Variants in PARN observed in about 807,000 individuals in gnomAD.
PARN encodes the protein poly(A)-specific ribonuclease PARN.
PARN carries 71 observed loss-of-function variants against 102.8 expected under a neutral mutation model. The observed-to-expected ratio is 0.69, with a 90% CI of 0.57 to 0.84. The LOEUF (loss-of-function observed/expected upper bound fraction) is 0.84. Ranked by LOEUF, PARN falls within the 40% of genes least tolerant of loss-of-function variation. PARN has a pLI of 0.00. For missense variants in PARN, 782 were observed against 760.9 expected (o/e 1.03, Z -0.33); for synonymous variants, 261 against 252.9 (o/e 1.03, Z -0.30).
intron 6 of PARN, among the ~76,000 whole-genome samples, chr16:14,616,302 A>G (rs973667117): frequency 2.0e-5 from 3 of 152,202 alleles, no homozygotes; most frequent in Admixed American, 6.5e-5. Flanking sequence ...AAATCATGCT[A>G]TGCAAGGGGA....
At chr16:14,587,938 G>A (rs949422753) in intron 13 of PARN, among the ~76,000 whole-genome samples, 1 of 152,154 alleles carries the variant, frequency 6.6e-6, no homozygotes, top group Admixed American at 6.5e-5. Context: ...CTGCTTACAC[G>A]CAATGTGTTA....
intron 21 of PARN, among the ~76,000 whole-genome samples, chr16:14,514,877 A>G (rs1170017707): frequency 1.3e-5 from 2 of 152,178 alleles, no homozygotes; most frequent in Non-Finnish European, 2.9e-5. Context: ...TATAGCAGAC[A>G]CTCCATGGCA....
intron 21 of PARN, among the ~76,000 whole-genome samples, chr16:14,513,517 A>G (rs1302783665): frequency 1.3e-5 from 2 of 152,098 alleles, no homozygotes; most frequent in African/African-American, 2.4e-5. Flanking sequence ...TAAGAACTGG[A>G]GCTACTTTTT....
intron 6 of PARN, among the ~76,000 whole-genome samples, chr16:14,611,060 C>G (rs1000732508): frequency 1.3e-5 from 2 of 152,208 alleles, no homozygotes; most frequent in Non-Finnish European, 2.9e-5. Flanking sequence ...GGGGAATGAA[C>G]AGTGACAAGC....
intron 21 of PARN, among the ~76,000 whole-genome samples, chr16:14,504,049 C>G (rs1248545174): frequency 6.6e-6 from 1 of 152,136 alleles, no homozygotes; most frequent in African/African-American, 2.4e-5. Flanking sequence ...AGTGTTCTGT[C>G]TAAACGAGAA....
intron 21 of PARN, among the ~76,000 whole-genome samples, chr16:14,533,126 G>C (rs1001083741): frequency 7.2e-5 from 11 of 152,114 alleles, no homozygotes; most frequent in African/African-American, 2.7e-4. Flanking sequence ...ATTGAGCACT[G>C]AGTGAACCAG....
chr16:14,492,691 G>C (rs1964122077), intron 21 of PARN, among the ~76,000 whole-genome samples: 1 of 152,124 alleles, frequency 6.6e-6, no homozygotes, highest in South Asian at 2.1e-4. Flanking sequence ...CTCCAATTGA[G>C]GCCACGGAAG....
chr16:14,543,772 C>A (rs1001820000), intron 21 of PARN, among the ~76,000 whole-genome samples: 4 of 151,952 alleles, frequency 2.6e-5, no homozygotes, highest in African/African-American at 9.7e-5. Context: ...AGGGGGTATA[C>A]AAAAGAACAA....
At chr16:14,549,314 T>C (rs940594796) in intron 21 of PARN, among the ~76,000 whole-genome samples, 2 of 152,242 alleles carry the variant, frequency 1.3e-5, no homozygotes, top group Non-Finnish European at 2.9e-5. Flanking sequence ...CATCTTGGCC[T>C]ATTCCCCATA....
At chr16:14,468,206 T>C (rs1389429231) in intron 22 of PARN, among the ~76,000 whole-genome samples, 1 of 152,216 alleles carries the variant, frequency 6.6e-6, no homozygotes, top group Non-Finnish European at 1.5e-5. Flanking sequence ...CTTGAATTTA[T>C]TGATTGGTTT....
At chr16:14,475,649 G>A (rs1388390817) in intron 22 of PARN, among the ~76,000 whole-genome samples, 2 of 152,128 alleles carry the variant, frequency 1.3e-5, no homozygotes, top group Admixed American at 1.3e-4. Context: ...ACGTGTAGAA[G>A]CTCGACTGCT....
chr16:14,463,175 T>C (rs143362391), intron 22 of PARN, among the ~76,000 whole-genome samples: 1 of 152,136 alleles, frequency 6.6e-6, no homozygotes, highest in Non-Finnish European at 1.5e-5. Flanking sequence ...GGAGACTAGT[T>C]TGGAAGGTCT....
chr16:14,528,004 C>T lies in PARN; in HGVS notation c.1480+24017G>A, dbSNP rs117067630. ...ATCCCTGGGGATGACCACAAAAGCA[C>T]GTGAAAACTGAATTGTGGGTTACAA... On this transcript the variant is annotated intron_variant, in intron 21 of 23. Transcript: ENST00000437198. Among the ~76,000 whole-genome samples, 303 of 152,220 alleles carry T rather than the reference C, an allele frequency of 2.0e-3. 9 individuals are homozygous for T. The East Asian group carries it at 0.049, about 25-fold the overall frequency.
At chr16:14,490,924 G>C (rs898303494) in intron 21 of PARN, among the ~76,000 whole-genome samples, 2 of 152,004 alleles carry the variant, frequency 1.3e-5, no homozygotes, top group African/African-American at 4.8e-5. Context: ...TTTAAAGAAA[G>C]ATATTAAAAA....
intron 21 of PARN, among the ~76,000 whole-genome samples, chr16:14,484,265 C>T (rs1052594368): frequency 6.6e-6 from 1 of 152,214 alleles, no homozygotes; most frequent in Non-Finnish European, 1.5e-5. Context: ...GCCCCCTCTT[C>T]TGAGGCTGCT....
chr16:14,569,568 T>G (rs1054416618), intron 18 of PARN, among the ~76,000 whole-genome samples: 3 of 152,226 alleles, frequency 2.0e-5, no homozygotes. Flanking sequence ...GATACACATC[T>G]ATGTATCTTA....
chr16:14,630,094 G>T lies in PARN; in HGVS notation c.19+13C>A. 5 of 1,557,746 alleles carry T rather than the reference G, an allele frequency of 3.2e-6. No individual in the cohort carries two copies. The highest frequency in any genetic ancestry group is 4.4e-6 in the Non-Finnish European group (5 of 1,149,394). On this transcript the variant is annotated intron_variant, in intron 1 of 23. Transcript: ENST00000437198. Reference sequence around the variant, plus strand: ...GGTGTGGGGAGGCGGGGAGGTGTACGGCGGACACGCACTGCTCCTGATTAT... The same window carrying T: ...GGTGTGGGGAGGCGGGGAGGTGTACTGCGGACACGCACTGCTCCTGATTAT...
At chr16:14,583,609 T>C (rs1198801558) in intron 16 of PARN, among the ~76,000 whole-genome samples, 1 of 152,236 alleles carries the variant, frequency 6.6e-6, no homozygotes, top group African/African-American at 2.4e-5. Flanking sequence ...TTTCTTGGAC[T>C]ATTACCCAGA....
At chr16:14,461,405 T>C (rs1474872485) in intron 22 of PARN, among the ~76,000 whole-genome samples, 1 of 152,236 alleles carries the variant, frequency 6.6e-6, no homozygotes, top group Non-Finnish European at 1.5e-5. Context: ...ACTTATGATA[T>C]GCAGTGAGTG....
Sources: allele counts gnomAD v4.1 joint callset (sites outside exome capture counted in the v4.1 genomes callset), GRCh38; gene constraint gnomAD v4.1.1; transcripts MANE v1.5; gene names NCBI Gene and HGNC (gene_info 2026-07-23, HGNC 2026-07-21).